The following CXCR3 variants were observed in gnomAD, a reference collection of about 807,000 sequenced individuals.
CXCR3 encodes the protein C-X-C motif chemokine receptor 3, also known as C-X-C chemokine receptor type 3.
For missense variants in CXCR3, 239 were observed against 310.2 expected (o/e 0.77, Z 1.72); for synonymous variants, 136 against 148.0 (o/e 0.92, Z 0.59).
At position 71,616,404 on chromosome X, in the gene CXCR3, G is replaced by C. The variant is rs1468520698; in HGVS notation, c.1068C>G (p.Ser356=). 2.1e-5 allele frequency: 25 copies of C among 1,207,222 alleles called. No individual in the cohort carries two copies. Among genetic ancestry groups the C allele is most frequent in the Non-Finnish European group, 2.7e-5 (24 of 892,983 alleles). The change falls in exon 2 of 2, where the codon TCC becomes TCG. Residue 356 remains serine (S), a synonymous_variant. Transcript: ENST00000373693. ...RQPSSSRRDS[S]WSETSEASYS... ...AGGAGGCCTCTGAGGTCTCAGACCA[G>C]GATGAATCCCGGCGGGAAGACGATG...
Position 71,616,512 on chromosome X carries a change from A to G in CXCR3, c.960T>C (p.Phe320=). The change falls in exon 2 of 2, where the codon TTT becomes TTC. Residue 320 remains phenylalanine, a synonymous_variant. Transcript: ENST00000373693. The part of the protein sequence containing the change: ...HCCLNPLLYA[F]VGVKFRERMW... ...TCCGCTCCCGGAACTTGACCCCTAC[A>G]AAGGCATAGAGCAGCGGGTTGAGGC... 1 of 1,210,866 alleles carries G rather than the reference A, an allele frequency of 8.3e-7. No homozygotes were observed. Among genetic ancestry groups the G allele is most frequent in the Non-Finnish European group, 1.1e-6 (1 of 894,889 alleles).
At position 71,616,962 on chromosome X, in the gene CXCR3, G is replaced by A. The variant is rs767645401; in HGVS notation, c.510C>T (p.Leu170=). The A allele has an allele frequency of 8.3e-7, 1 of 1,209,116 alleles. No individual in the cohort carries two copies. Among genetic ancestry groups the A allele is most frequent in the Non-Finnish European group, 1.1e-6 (1 of 894,053 alleles). Residue 170 remains leucine (L), a synonymous_variant, in exon 2 of 2, where the codon CTC becomes CTT. Coordinates refer to ENST00000373693, the MANE Select transcript of CXCR3 (RefSeq NM_001504.2). ...YRRGPPARVT[L]TCLAVWGLCL... is the part of the protein sequence containing the mutation. ...AGAGCCCCCAGACAGCCAGGCAGGT[G>A]AGGGTCACGCGGGCCGGGGGCCCCC...
chrX:71,617,100 G>A lies in CXCR3; in HGVS notation c.372C>T (p.Cys124=), dbSNP rs1314339679. 8.3e-7 allele frequency: 1 copy of A among 1,201,291 alleles called. No homozygotes were observed. The change falls in exon 2 of 2, where the codon TGC becomes TGT. Residue 124 remains cysteine (C), a synonymous_variant. Transcript: ENST00000373693. Reference sequence around the variant, plus strand: ...TGTTGAAGAGGGCACCTGCCACTTTGCAGAGGCCAGAGCCAAAGACCCACT... The same window carrying A: ...TGTTGAAGAGGGCACCTGCCACTTTACAGAGGCCAGAGCCAAAGACCCACT... The part of the protein sequence containing the change: ...AVQWVFGSGL[C]KVAGALFNIN...
chrX:71,617,482 G>T, intron 1 of CXCR3, 23 bp from the exon 2 acceptor site: 1 of 1,209,466 alleles, frequency 8.3e-7, no homozygotes, highest in Non-Finnish European at 1.1e-6. Flanking sequence ...GAACGGGGAG[G>T]AAGGGGCTGT....
Position 71,617,166 on chromosome X carries a change from C to G in CXCR3, c.306G>C (p.Leu102=). The change falls in exon 2 of 2, where the codon CTG becomes CTC. Residue 102 remains leucine, a synonymous_variant. Coordinates refer to ENST00000373693, the MANE Select transcript of CXCR3 (RefSeq NM_001504.2). The part of the protein sequence containing the change: ...LLHLAVADTL[L]VLTLPLWAVD... ...CTGCCCAGAGCGGCAGTGTCAGCACCAGCAGCGTGTCTGCTACAGCTAGGT... is the reference window on the plus strand; with the variant it reads ...CTGCCCAGAGCGGCAGTGTCAGCACGAGCAGCGTGTCTGCTACAGCTAGGT... 8.3e-7 allele frequency: 1 copy of G among 1,208,127 alleles called. No homozygotes were observed. Among genetic ancestry groups the G allele is most frequent in the Non-Finnish European group, 1.1e-6 (1 of 893,661 alleles).
At chrX:71,617,811 C>T in intron 1 of CXCR3, 2 of 637,539 alleles carry the variant, frequency 3.1e-6, no homozygotes, top group Non-Finnish European at 4.4e-6. Context: ...AGTGCCCCAC[C>T]CCCAACACAT....
Position 71,616,373 on chromosome X carries a change from C to T in CXCR3, c.1099G>A (p.Gly367Ser), listed in dbSNP as rs1569443741. The change falls in exon 2 of 2, where the codon GGC (glycine) becomes AGC (serine). Residue 367 changes from glycine to serine, a missense_variant. Physicochemically the swap from Gly to Ser is moderately conservative, Grantham distance 56. Coordinates refer to ENST00000373693, the MANE Select transcript of CXCR3 (RefSeq NM_001504.2). The part of the protein sequence containing the change: ...WSETSEASYS[G>S]L Reference sequence around the variant, plus strand: ...GAGCCCGGATTCCGGCCTCACAAGCCCGAGTAGGAGGCCTCTGAGGTCTCA... The same window carrying T: ...GAGCCCGGATTCCGGCCTCACAAGCTCGAGTAGGAGGCCTCTGAGGTCTCA... 1.7e-6 allele frequency: 2 copies of T among 1,185,594 alleles called. No individual in the cohort carries two copies. The highest frequency in any genetic ancestry group is 1.1e-6 in the Non-Finnish European group (1 of 880,003).
At position 71,616,665 on chromosome X, in the gene CXCR3, G is replaced by A. The variant is rs757700009; in HGVS notation, c.807C>T (p.Thr269=). The A allele has an allele frequency of 7.4e-6, 9 of 1,211,715 alleles. No homozygotes were observed. The highest frequency in any genetic ancestry group is 1.0e-5 in the Non-Finnish European group (9 of 895,402). The change falls in exon 2 of 2, where the codon ACC becomes ACT. Residue 269 remains threonine (T), a synonymous_variant. Transcript: ENST00000373693. ...CCACCAGCACCACCAGGTGATAGGG[G>A]GTCCAGCAGAGGGCAAAGGCCACCA... ...VVVVAFALCW[T]PYHLVVLVDI...
intron 1 of CXCR3, 143 bp from the exon 2 acceptor site, chrX:71,617,602 C>T: frequency 8.8e-7 from 1 of 1,135,417 alleles, no homozygotes; most frequent in Middle Eastern, 2.4e-4. Flanking sequence ...GCCGTACTTC[C>T]TCAACTCCAT....
At position 71,616,590 on chromosome X, in the gene CXCR3, G is replaced by A; in HGVS notation, c.882C>T (p.Ser294=). Residue 294 remains serine, a synonymous_variant, in exon 2 of 2, where the codon AGC becomes AGT. Coordinates refer to ENST00000373693, the MANE Select transcript of CXCR3 (RefSeq NM_001504.2). ...GALARNCGRE[S]RVDVAKSVTS... ...TGACCGACTTGGCCACGTCTACCCT[G>A]CTTTCTCGGCCACAGTTGCGGGCCA... 2 of 1,211,997 alleles carry A rather than the reference G, an allele frequency of 1.7e-6. No individual in the cohort carries two copies. Among genetic ancestry groups the A allele is most frequent in the Non-Finnish European group, 2.2e-6 (2 of 895,589 alleles).
intron 1 of CXCR3, chrX:71,617,663 C>T: frequency 9.1e-7 from 1 of 1,104,392 alleles, no homozygotes; most frequent in Admixed American, 3.6e-5. Flanking sequence ...AAGGCTGCTT[C>T]TCTCGCATTC....
chrX:71,618,486 G>A lies in CXCR3; in HGVS notation c.-37C>T. 9.7e-7 allele frequency: 1 copy of A among 1,035,641 alleles called. No individual in the cohort carries two copies. Among genetic ancestry groups the A allele is most frequent in the Non-Finnish European group, 1.4e-6 (1 of 735,608 alleles). The allele number at this position is 1,035,641 out of a possible 1,213,427, so 85.3% of individuals were successfully genotyped here. A position where few individuals can be genotyped will look rare whatever the true frequency, so the allele number is the denominator to read the frequency against. On this transcript the variant is annotated 5_prime_UTR_variant, in exon 1 of 2. Transcript: ENST00000373693. The stretch of plus-strand genomic sequence containing the variant: ...TGCTCTGGCTGCTGGGTGGTGTGCT[G>A]CCTGCCCCTCTGCTTTGGTGCTTGT...
At chrX:71,617,795 G>T in intron 1 of CXCR3, 1 of 789,766 alleles carries the variant, frequency 1.3e-6, no homozygotes, top group Non-Finnish European at 1.7e-6. Context: ...CTTGCCTTGC[G>T]TCCTCAGTGC....
intron 1 of CXCR3, 155 bp from the exon 2 acceptor site, chrX:71,617,614 C>T (rs781305689): frequency 3.6e-6 from 4 of 1,126,451 alleles, no homozygotes; most frequent in South Asian, 4.4e-5. Flanking sequence ...CAACTCCATC[C>T]GCTCAGCCTG....
intron 1 of CXCR3, chrX:71,617,811 C>G: frequency 1.6e-6 from 1 of 637,540 alleles, no homozygotes; most frequent in Non-Finnish European, 2.2e-6. Flanking sequence ...AGTGCCCCAC[C>G]CCCAACACAT....
intron 1 of CXCR3, 43 bp from the exon 2 acceptor site, chrX:71,617,502 T>G: frequency 8.3e-7 from 1 of 1,202,528 alleles, no homozygotes; most frequent in Non-Finnish European, 1.1e-6. Context: ...TGTAAAGGCC[T>G]GGCAGGAACT....
chrX:71,616,597 C>T lies in CXCR3; in HGVS notation c.875G>A (p.Arg292Gln), dbSNP rs139226823. ...DLGALARNCG[R>Q]ESRVDVAKSV... is the part of the protein sequence containing the mutation. ...CTTGGCCACGTCTACCCTGCTTTCT[C>T]GGCCACAGTTGCGGGCCAAAGCGCC... The change falls in exon 2 of 2, where the codon CGA becomes CAA. Residue 292 changes from arginine to glutamine, a missense_variant. Physicochemically the swap from Arg to Gln is conservative, Grantham distance 43. Transcript: ENST00000373693. The T allele has an allele frequency of 1.7e-4, 202 of 1,210,666 alleles. No individual in the cohort carries two copies. The East Asian group carries it at 5.4e-3, about 32-fold the overall frequency.
At position 71,618,457 on chromosome X, in the gene CXCR3, C is replaced by T. The variant is rs148302834; in HGVS notation, c.-8G>A. 673 of 1,166,392 alleles carry T rather than the reference C, an allele frequency of 5.8e-4. 4 individuals carry two copies. In the African/African-American group the frequency reaches 0.01, roughly 18 times the overall value. On this transcript the variant is annotated 5_prime_UTR_variant, in exon 1 of 2. Coordinates refer to ENST00000373693, the MANE Select transcript of CXCR3 (RefSeq NM_001504.2). The stretch of plus-strand genomic sequence containing the variant: ...ACTTACCTCAAGGACCATGGCTGGG[C>T]TGGTGCTCTGGCTGCTGGGTGGTGT...
chrX:71,617,230 C>G lies in CXCR3; in HGVS notation c.242G>C (p.Arg81Pro), dbSNP rs779802231. 1 of 1,199,760 alleles carries G rather than the reference C, an allele frequency of 8.3e-7. No homozygotes were observed. Among genetic ancestry groups the G allele is most frequent in the Non-Finnish European group, 1.1e-6 (1 of 889,449 alleles). ...NGAVAAVLLS[R>P]RTALSSTDTF... ...GTCGGTGCTGCTCAGGGCTGTCCGC[C>G]GGCTCAGCAGCACGGCTGCCACCGC... Residue 81 changes from arginine (R) to proline (P), a missense_variant, in exon 2 of 2, where the codon CGG becomes CCG. By Grantham distance (103) the Arg-to-Pro change is moderately radical. Coordinates refer to ENST00000373693, the MANE Select transcript of CXCR3 (RefSeq NM_001504.2).
Sources: allele counts gnomAD v4.1 joint callset, GRCh38; gene constraint gnomAD v4.1.1; transcripts MANE v1.5; gene names NCBI Gene and HGNC (gene_info 2026-07-23, HGNC 2026-07-21).